Variants in KLRG1 observed in about 807,000 individuals in gnomAD.
The protein encoded by KLRG1 is killer cell lectin-like receptor subfamily G member 1.
In KLRG1, 16 loss-of-function variants were observed where a neutral mutation model predicts 21.8. The ratio of observed to expected loss-of-function variants is 0.73; its 90% confidence interval spans 0.50 to 1.11. The LOEUF is 1.11. Among genes scored for constraint, KLRG1 ranks in the 50% most tolerant of loss-of-function variants. KLRG1 has a pLI of 0.00. For synonymous variants in KLRG1, 69 were observed against 75.9 expected, an observed-to-expected ratio of 0.91 and a Z score of 0.47; for missense variants, 173 against 218.3, an observed-to-expected ratio of 0.79 and a Z score of 1.31.
chr12:9,088,000 GTATT>G, the KLRG1 span, among the ~76,000 whole-genome samples: 5 of 152,080 alleles, frequency 3.3e-5, no homozygotes, highest in Admixed American at 3.3e-4. Context: ...GAATTGTGAT[GTATT>G]TATATTATAG....
At chr12:9,165,698 A>G in the KLRG1 span, among the ~76,000 whole-genome samples, 1 of 152,240 alleles carries the variant, frequency 6.6e-6, no homozygotes, top group South Asian at 2.1e-4. Flanking sequence ...AATCATGACC[A>G]ACAATTAGAC....
the KLRG1 span, among the ~76,000 whole-genome samples, chr12:9,048,428 A>G: frequency 6.6e-6 from 1 of 152,202 alleles, no homozygotes; most frequent in Non-Finnish European, 1.5e-5. Flanking sequence ...AGTACAGATT[A>G]ATATCTCTAC....
chr12:9,186,904 A>G, the KLRG1 span, among the ~76,000 whole-genome samples: 41,636 of 151,194 alleles, frequency 0.28, 5,879 homozygotes, highest in East Asian at 0.4. Context: ...AATATAGATG[A>G]CAGGCTGATG....
At chr12:9,106,225 A>G in the KLRG1 span, 566,021 of 1,554,190 alleles carry the variant, frequency 0.36, 106,608 homozygotes, top group Admixed American at 0.4. Context: ...GTGAACTGGA[A>G]AATACTCCAC....
At chr12:9,098,287 T>C in the KLRG1 span, 25,734 of 157,578 alleles carry the variant, frequency 0.16, 2,291 homozygotes, top group Middle Eastern at 0.23. Flanking sequence ...TGCTATGTGC[T>C]CTTGAGCAAG....
chr12:9,100,970 G>A, the KLRG1 span, among the ~76,000 whole-genome samples: 1 of 152,126 alleles, frequency 6.6e-6, no homozygotes, highest in Admixed American at 6.5e-5. Context: ...CGGGTGATGG[G>A]TGCACCAAAA....
At chr12:8,973,163 G>GAAAAAAAAAAAAAAAAAA in intron 1 of KLRG1, among the ~76,000 whole-genome samples, 1 of 97,034 alleles carries the variant, frequency 1.0e-5, no homozygotes, top group Non-Finnish European at 2.0e-5. Context: ...CATCTCAAAA[G>GAAAAAAAAAAAAAAAAAA]AAAAAAAAAA....
At chr12:9,125,388 G>A in the KLRG1 span, among the ~76,000 whole-genome samples, 4 of 152,212 alleles carry the variant, frequency 2.6e-5, no homozygotes, top group Non-Finnish European at 5.9e-5. Context: ...AGAGCTTGTC[G>A]CCAGCCGCAG....
At chr12:9,062,696 A>G in the KLRG1 span, among the ~76,000 whole-genome samples, 3 of 147,840 alleles carry the variant, frequency 2.0e-5, no homozygotes, top group Non-Finnish European at 4.5e-5. Flanking sequence ...GATATATTGT[A>G]CATTTATAAT....
the KLRG1 span, chr12:9,161,070 C>T: frequency 6.2e-7 from 1 of 1,604,586 alleles, no homozygotes; most frequent in Admixed American, 1.7e-5. Context: ...ATTCTTTGAC[C>T]ACATTTGATG....
chr12:8,988,461 A>G (rs947396552), upstream of KLRG1: 5 of 152,216 alleles, frequency 3.3e-5, no homozygotes, highest in African/African-American at 9.6e-5. Context: ...GTTTTTATTA[A>G]TATAAAACAA....
At chr12:9,072,450 C>G in the KLRG1 span, 5 of 1,613,088 alleles carry the variant, frequency 3.1e-6, no homozygotes, top group South Asian at 5.5e-5. Context: ...AAGGGGAACT[C>G]TTCCTTTTCT....
At chr12:9,097,280 A>AT in the KLRG1 span, among the ~76,000 whole-genome samples, 2 of 152,044 alleles carry the variant, frequency 1.3e-5, no homozygotes, top group African/African-American at 4.8e-5. Flanking sequence ...AGTAAGAAAC[A>AT]TTTTTTTATA....
chr12:9,074,092 A>T, the KLRG1 span, among the ~76,000 whole-genome samples: 2 of 52,996 alleles, frequency 3.8e-5, no homozygotes, highest in African/African-American at 9.4e-5. Context: ...TGTCTTAAAA[A>T]AAAAAAAAAA....
the KLRG1 span, chr12:9,080,031 G>T: frequency 9.1e-7 from 1 of 1,096,640 alleles, no homozygotes; most frequent in Non-Finnish European, 1.3e-6. Flanking sequence ...AATATTTATG[G>T]GAAATAAAAA....
the KLRG1 span, among the ~76,000 whole-genome samples, chr12:9,016,893 C>T: frequency 1.3e-5 from 2 of 152,124 alleles, no homozygotes; most frequent in South Asian, 2.1e-4. Flanking sequence ...GTATTACAGG[C>T]GTGAAACACT....
At chr12:9,207,030 T>A in the KLRG1 span, among the ~76,000 whole-genome samples, 1 of 152,128 alleles carries the variant, frequency 6.6e-6, no homozygotes. Flanking sequence ...GGGAGAAATG[T>A]ACCCCTACCG....
chr12:9,070,301 C>T, the KLRG1 span, among the ~76,000 whole-genome samples: 7 of 152,288 alleles, frequency 4.6e-5, no homozygotes, highest in Admixed American at 1.3e-4. Flanking sequence ...GTCATGGGTC[C>T]TAGCACAGTG....
chr12:9,092,949 G>A, the KLRG1 span, among the ~76,000 whole-genome samples: 1 of 152,236 alleles, frequency 6.6e-6, no homozygotes, highest in Non-Finnish European at 1.5e-5. Context: ...CCTGCCACTT[G>A]TGACAACATG....
Sources: gnomAD v4.1 joint callset for allele counts (sites outside exome capture counted in the v4.1 genomes callset) on GRCh38, gnomAD v4.1.1 for gene constraint, MANE v1.5 for transcripts, NCBI Gene and HGNC (gene_info 2026-07-23, HGNC 2026-07-21) for gene names.